The following CHD9 variants were observed in gnomAD, a reference collection of about 807,000 sequenced individuals.
CHD9 encodes the protein chromodomain helicase DNA binding protein 9, also known as ATP-dependent chromatin remodeler CHD9.
A neutral mutation model predicts 316.1 loss-of-function variants in CHD9; 77 were observed. The observed-to-expected ratio is 0.24, with a 90% CI of 0.20 to 0.29. CHD9 has a LOEUF of 0.29. CHD9 is among the 10% of genes least tolerant of loss of function. The pLI is 1.00. For synonymous variants in CHD9, 1,129 were observed against 1,158.3 expected (o/e 0.97, Z 0.51); for missense variants, 2,763 against 3,438.1 (o/e 0.80, Z 4.91).
At chr16:53,208,130 CAGT>C in intron 2 of CHD9, 4 of 1,061,022 alleles carry the variant, frequency 3.8e-6, no homozygotes, top group Non-Finnish European at 4.6e-6. Context: ...ATAGGATGAA[CAGT>C]AGATATAAAC....
intron 3 of CHD9, among the ~76,000 whole-genome samples, chr16:53,214,720 A>G (rs2046600339): frequency 6.6e-6 from 1 of 152,174 alleles, no homozygotes; most frequent in African/African-American, 2.4e-5. Context: ...TATATGAATC[A>G]TGCTAGTAAG....
chr16:53,257,092 T>TC (rs1210165149), intron 19 of CHD9, among the ~76,000 whole-genome samples: 1 of 152,184 alleles, frequency 6.6e-6, no homozygotes, highest in Non-Finnish European at 1.5e-5. Context: ...AAAAGAACAT[T>TC]CAACCTGAGT....
At chr16:53,060,475 G>T (rs1460460903) in intron 1 of CHD9, among the ~76,000 whole-genome samples, 1 of 151,876 alleles carries the variant, frequency 6.6e-6, no homozygotes, top group Non-Finnish European at 1.5e-5. Flanking sequence ...AAATTAGCTG[G>T]GGCCTGGATT....
chr16:53,126,586 C>CTTTTTTTTTTTTTTTTTTTTTTTT (rs200069064), intron 1 of CHD9, among the ~76,000 whole-genome samples: 3 of 117,656 alleles, frequency 2.5e-5, no homozygotes, highest in Non-Finnish European at 5.1e-5. Context: ...TTTCAGGATC[C>CTTTTTTTTTTTTTTTTTTTTTTTT]TTTTTTTTTT....
At chr16:53,183,539 C>G (rs1227315123) in intron 2 of CHD9, among the ~76,000 whole-genome samples, 1 of 152,164 alleles carries the variant, frequency 6.6e-6, no homozygotes, top group Non-Finnish European at 1.5e-5. Flanking sequence ...TTTATTTTCT[C>G]TGTCTTAAAA....
chr16:53,223,801 T>C (rs1264919941), intron 4 of CHD9, among the ~76,000 whole-genome samples: 1 of 151,960 alleles, frequency 6.6e-6, no homozygotes, highest in Non-Finnish European at 1.5e-5. Context: ...TATTTTCTAA[T>C]AGTTATAAAT....
intron 7 of CHD9, 37 bp downstream of exon 7, chr16:53,227,640 T>C (rs1437455337): frequency 1.6e-6 from 1 of 607,192 alleles, no homozygotes; most frequent in Admixed American, 4.1e-5. Flanking sequence ...AGAAAGATGT[T>C]GATTTACATA....
At chr16:53,109,042 GAAT>G (rs1241182466) in intron 1 of CHD9, among the ~76,000 whole-genome samples, 6 of 152,172 alleles carry the variant, frequency 3.9e-5, no homozygotes, top group Admixed American at 3.9e-4. Context: ...GTGCAGGGAG[GAAT>G]AATGAGATGA....
intron 27 of CHD9, among the ~76,000 whole-genome samples, chr16:53,289,375 T>TG (rs1178596063): frequency 6.6e-6 from 1 of 151,888 alleles, no homozygotes; most frequent in Non-Finnish European, 1.5e-5. Flanking sequence ...AGCAATATAA[T>TG]GGGACCCCAT....
chr16:53,109,853 T>G (rs2037715746), intron 1 of CHD9, among the ~76,000 whole-genome samples: 1 of 151,164 alleles, frequency 6.6e-6, no homozygotes, highest in African/African-American at 2.4e-5. Context: ...CCCGGCTAAT[T>G]TTTTGTATTT....
chr16:53,055,748 T>G (rs2032018119), intron 1 of CHD9, among the ~76,000 whole-genome samples: 1 of 152,126 alleles, frequency 6.6e-6, no homozygotes, highest in Non-Finnish European at 1.5e-5. Context: ...GCCTTTGTAC[T>G]GTCAAACCCA....
intron 18 of CHD9, 104 bp from the exon 19 acceptor site, chr16:53,255,496 C>A: frequency 1.1e-6 from 1 of 930,732 alleles, no homozygotes; most frequent in Non-Finnish European, 1.6e-6. Flanking sequence ...AACCCAAATG[C>A]AGTTTAAGCA....
At chr16:53,288,219 G>A (rs1217694735) in intron 27 of CHD9, among the ~76,000 whole-genome samples, 1 of 152,214 alleles carries the variant, frequency 6.6e-6, no homozygotes, top group Non-Finnish European at 1.5e-5. Flanking sequence ...TAGACAAGAT[G>A]GGGGCTGGCT....
chr16:53,261,385 T>TTTTTTG (rs1362791276), intron 19 of CHD9, among the ~76,000 whole-genome samples: 72 of 145,314 alleles, frequency 5.0e-4, no homozygotes, highest in Non-Finnish European at 7.7e-4. Context: ...TTTTTTTTTT[T>TTTTTTG]AGACAGGTTC....
intron 1 of CHD9, among the ~76,000 whole-genome samples, chr16:53,080,235 T>C (rs1174392492): frequency 6.6e-6 from 1 of 152,220 alleles, no homozygotes; most frequent in Non-Finnish European, 1.5e-5. Flanking sequence ...AGACATATTT[T>C]GGCAAGAAGG....
At chr16:53,315,500 ACAGAGTCTCGCACTGTCACC>A (rs1474079016) in intron 36 of CHD9, among the ~76,000 whole-genome samples, 1 of 152,148 alleles carries the variant, frequency 6.6e-6, no homozygotes, top group African/African-American at 2.4e-5. Flanking sequence ...TTTTTTTGAG[ACAGAGTCTCGCACTGTCACC>A]CAGGCTGGAG....
chr16:53,229,026 A>G lies in CHD9; in HGVS notation c.2212A>G (p.Lys738Glu). Reference protein sequence around the residue: ...CEWATEEQLLKDKRIQQKIKR... With the variant: ...CEWATEEQLLEDKRIQQKIKR... The stretch of plus-strand genomic sequence containing the variant: ...GTGGGCCACAGAAGAGCAGCTTTTG[A>G]AAGATAAAAGGATCCAGCAGAAAAT... Residue 738 changes from lysine (K) to glutamate (E), a missense_variant, in exon 8 of 39, where the codon AAA becomes GAA. Physicochemically the swap from Lys to Glu is moderately conservative, Grantham distance 56. Transcript: ENST00000447540. 1 of 1,597,668 alleles carries G rather than the reference A, an allele frequency of 6.3e-7. No homozygotes were observed. Among genetic ancestry groups the G allele is most frequent in the South Asian group, 1.1e-5 (1 of 86,984 alleles).
chr16:53,179,017 T>C (rs1218650924), intron 2 of CHD9, among the ~76,000 whole-genome samples: 2 of 151,090 alleles, frequency 1.3e-5, no homozygotes, highest in African/African-American at 4.9e-5. Context: ...AGCGAGACCC[T>C]GTTTCTAAAA....
intron 24 of CHD9, among the ~76,000 whole-genome samples, chr16:53,280,946 T>C (rs2053356220): frequency 1.3e-5 from 2 of 152,282 alleles, no homozygotes; most frequent in Non-Finnish European, 2.9e-5. Context: ...TAGGCATTTA[T>C]GCTAACTATA....
Sources: gnomAD v4.1 joint callset for allele counts (sites outside exome capture counted in the v4.1 genomes callset) on GRCh38, gnomAD v4.1.1 for gene constraint, MANE v1.5 for transcripts, NCBI Gene and HGNC (gene_info 2026-07-23, HGNC 2026-07-21) for gene names.